Variants in PITPNC1 observed in about 807,000 individuals in gnomAD.
PITPNC1 encodes the protein phosphatidylinositol transfer protein cytoplasmic 1.
A neutral mutation model predicts 44.7 loss-of-function variants in PITPNC1; 18 were observed. The ratio of observed to expected loss-of-function variants is 0.40; its 90% confidence interval spans 0.28 to 0.60. PITPNC1 has a LOEUF of 0.60. PITPNC1 is among the 20% of genes least tolerant of loss of function. The pLI, the probability that PITPNC1 is intolerant of heterozygous loss-of-function variation, is 0.39. For synonymous variants in PITPNC1, 141 were observed against 149.6 expected, an observed-to-expected ratio of 0.94 and a Z score of 0.42; for missense variants, 290 against 418.4, an observed-to-expected ratio of 0.69 and a Z score of 2.68.
chr17:67,669,881 G>A (rs1004353810), intron 7 of PITPNC1, among the ~76,000 whole-genome samples: 5 of 152,078 alleles, frequency 3.3e-5, no homozygotes, highest in African/African-American at 1.2e-4. Flanking sequence ...AGACCGGCCT[G>A]GCCAACATGG....
intron 5 of PITPNC1, among the ~76,000 whole-genome samples, chr17:67,616,021 T>C (rs2041753571): frequency 6.6e-6 from 1 of 152,230 alleles, no homozygotes; most frequent in African/African-American, 2.4e-5. Flanking sequence ...CTGGGAACTG[T>C]AACTTAGAAG....
rs1161079659 is a variant in PITPNC1, at chr17:67,597,837, T to C, written c.366+19580T>C. ...AATGGGTAGACAGGCAAGATCGTGA[T>C]GCAGGGAGAGACTGGTAGAGAACAC... On this transcript the variant is annotated intron_variant, in intron 5 of 8. Coordinates refer to ENST00000581322, the MANE Select transcript of PITPNC1 (RefSeq NM_012417.4). This position sits in a 1 kb window ranked among gnomAD's most constrained non-coding sequence, Gnocchi z 4.0. 2.0e-5 allele frequency among the ~76,000 whole-genome samples: 3 copies of C among 152,120 alleles called. No homozygotes were observed. Among genetic ancestry groups the C allele is most frequent in the Admixed American group, 6.5e-5 (1 of 15,268 alleles).
rs566546638 is a variant in PITPNC1, at chr17:67,495,381, A to T, written c.49-37421A>T. 5.9e-5 allele frequency among the ~76,000 whole-genome samples: 9 copies of T among 152,088 alleles called. No individual in the cohort carries two copies. In the South Asian group the frequency reaches 1.9e-3, roughly 32 times the overall value. ...CCTCTGAGCCACGGAGATCTTTTTT[A>T]AAAAAACTTTTATTTTAGGTTCAGG... On this transcript the variant is annotated intron_variant, in intron 1 of 8. Transcript: ENST00000581322.
At chr17:67,457,811 T>A (rs1468221783) in intron 1 of PITPNC1, 1 of 152,236 alleles carries the variant, frequency 6.6e-6, no homozygotes, top group Non-Finnish European at 1.5e-5. Context: ...AATTCATGAC[T>A]TTTACAATTC....
chr17:67,430,453 A>C (rs1428249362), intron 1 of PITPNC1, among the ~76,000 whole-genome samples: 5 of 149,594 alleles, frequency 3.3e-5, no homozygotes, highest in African/African-American at 1.2e-4. Context: ...ATGCCACTGC[A>C]CTCGAGCCTC....
chr17:67,398,713 A>G (rs2038259196), intron 1 of PITPNC1, among the ~76,000 whole-genome samples: 1 of 151,854 alleles, frequency 6.6e-6, no homozygotes, highest in Non-Finnish European at 1.5e-5. Flanking sequence ...GGCTTTTGGG[A>G]AGTGCTTTGG....
At chr17:67,624,874 C>T (rs1431727894) in intron 5 of PITPNC1, among the ~76,000 whole-genome samples, 1 of 152,104 alleles carries the variant, frequency 6.6e-6, no homozygotes, top group Non-Finnish European at 1.5e-5. Flanking sequence ...CTTACTAGGT[C>T]AAAGTATATC....
At chr17:67,385,486 C>G (rs922443396) in intron 1 of PITPNC1, among the ~76,000 whole-genome samples, 1 of 144,430 alleles carries the variant, frequency 6.9e-6, no homozygotes, top group Admixed American at 6.9e-5. Context: ...ACCCCTCCCC[C>G]CTCCCCTCCC....
intron 1 of PITPNC1, among the ~76,000 whole-genome samples, chr17:67,496,373 A>G (rs765527094): frequency 2.6e-5 from 4 of 152,180 alleles, no homozygotes; most frequent in African/African-American, 4.8e-5. Flanking sequence ...ACATTATCCA[A>G]TATGCAGCTT....
intron 1 of PITPNC1, among the ~76,000 whole-genome samples, chr17:67,444,064 G>A (rs2039057542): frequency 6.6e-6 from 1 of 152,006 alleles, no homozygotes; most frequent in South Asian, 2.1e-4. Context: ...AAATAGAACA[G>A]CCTGATGAAC....
intron 1 of PITPNC1, among the ~76,000 whole-genome samples, chr17:67,504,609 ATCAGGGGAATTCAGTCAG>A (rs1479905700): frequency 6.6e-6 from 1 of 152,230 alleles, no homozygotes; most frequent in Non-Finnish European, 1.5e-5. Context: ...ATTTTTCAAT[ATCAGGGGAATTCAGTCAG>A]TCTTCTTTCT....
At chr17:67,441,014 A>G (rs1354630483) in intron 1 of PITPNC1, among the ~76,000 whole-genome samples, 2 of 152,190 alleles carry the variant, frequency 1.3e-5, no homozygotes, top group Non-Finnish European at 2.9e-5. Context: ...ACCTAAGTGT[A>G]TCAGTCTTGG....
intron 4 of PITPNC1, among the ~76,000 whole-genome samples, chr17:67,558,229 T>C (rs1291077825): frequency 6.6e-6 from 1 of 152,060 alleles, no homozygotes; most frequent in African/African-American, 2.4e-5. Context: ...TGTTTAGAAT[T>C]ATGTGGAAAT....
chr17:67,633,796 G>C (rs936721551), intron 6 of PITPNC1, among the ~76,000 whole-genome samples: 6 of 152,142 alleles, frequency 3.9e-5, no homozygotes, highest in African/African-American at 1.4e-4. Flanking sequence ...GACGCCTCGG[G>C]CCCCCCCGGG....
intron 1 of PITPNC1, among the ~76,000 whole-genome samples, chr17:67,415,430 T>G (rs751272579): frequency 6.6e-6 from 1 of 152,218 alleles, no homozygotes; most frequent in Non-Finnish European, 1.5e-5. Flanking sequence ...CAGCACAGCC[T>G]CTTTTATATT....
chr17:67,389,692 G>T (rs1026039861), intron 1 of PITPNC1, among the ~76,000 whole-genome samples: 4 of 150,876 alleles, frequency 2.7e-5, no homozygotes, highest in African/African-American at 9.9e-5. Context: ...TGTTGTTGTT[G>T]TTTTTGAGAT....
intron 1 of PITPNC1, among the ~76,000 whole-genome samples, chr17:67,463,110 A>C (rs937388402): frequency 8.5e-5 from 13 of 152,260 alleles, no homozygotes; most frequent in African/African-American, 3.1e-4. Flanking sequence ...TAGACTGTGT[A>C]CATATATAAT....
rs142605821 is a variant in PITPNC1 at position 67,559,197 on chromosome 17, C to A, written c.294+5580C>A. On this transcript the variant is annotated intron_variant, in intron 4 of 8. Transcript: ENST00000581322. Reference sequence around the variant, plus strand: ...CCCCGCACCTTCCCCTGAGTCCCAGCCAAGGGGCAGTACAAACCACTGTAT... The same window carrying A: ...CCCCGCACCTTCCCCTGAGTCCCAGACAAGGGGCAGTACAAACCACTGTAT... Among the ~76,000 whole-genome samples, 770 of 152,258 alleles carry A rather than the reference C, an allele frequency of 5.1e-3. 5 individuals are homozygous for A. The highest frequency in any genetic ancestry group is 0.017 in the African/African-American group (726 of 41,540).
chr17:67,522,017 TCTCG>T (rs1330795074), intron 1 of PITPNC1, among the ~76,000 whole-genome samples: 2 of 152,070 alleles, frequency 1.3e-5, no homozygotes, highest in Non-Finnish European at 2.9e-5. Context: ...ATTAAAGACC[TCTCG>T]GGCTGGGCAT....
Sources: allele counts gnomAD v4.1 joint callset (sites outside exome capture counted in the v4.1 genomes callset), GRCh38; gene constraint gnomAD v4.1.1; non-coding constraint Gnocchi (gnomAD v3.1); transcripts MANE v1.5; gene names NCBI Gene and HGNC (gene_info 2026-07-23, HGNC 2026-07-21).